Variants in MPPED2 observed in about 807,000 individuals in gnomAD.
MPPED2 encodes the protein metallophosphoesterase domain containing 2.
In MPPED2, 5 loss-of-function variants were observed where a neutral mutation model predicts 33.0. That is an observed-to-expected ratio of 0.15 (90% CI 0.08 to 0.32). MPPED2 has a LOEUF of 0.32. MPPED2 is among the 10% of genes least tolerant of loss of function. MPPED2 has a pLI of 1.00. For synonymous variants in MPPED2, 136 were observed against 141.9 expected, an observed-to-expected ratio of 0.96 and a Z score of 0.29; for missense variants, 275 against 372.1, an observed-to-expected ratio of 0.74 and a Z score of 2.15.
chr11:30,411,301 TTAAAA>T lies in MPPED2; in HGVS notation c.*162_*166del, dbSNP rs1380385149. 4.0e-6 allele frequency: 5 copies of T among 1,256,762 alleles called. No homozygotes were observed. Among genetic ancestry groups the T allele is most frequent in the Non-Finnish European group, 5.0e-6 (5 of 993,722 alleles). 77.9% of individuals were successfully genotyped at this position (1,256,762 alleles called of 1,614,324 possible). On this transcript the variant is annotated 3_prime_UTR_variant, in exon 7 of 7. Coordinates refer to ENST00000358117, the MANE Select transcript of MPPED2 (RefSeq NM_001584.3). ...CTCTGATTTCAAATGGATGCCCCAT[TTAAAA>T]TAAAATAAAATAAGAAGCACAACCT...
chr11:30,403,099 T>A (rs1281462364), intron 6 of MPPED2, among the ~76,000 whole-genome samples: 2 of 151,978 alleles, frequency 1.3e-5, no homozygotes. Context: ...CAAAAAAAAT[T>A]AGCCGGGCAT....
chr11:30,417,400 T>C, intron 5 of MPPED2, 118 bp downstream of exon 5: 1 of 581,110 alleles, frequency 1.7e-6, no homozygotes, highest in South Asian at 2.2e-5. Context: ...TGACTTTTCT[T>C]CTCGTATTCA....
At chr11:30,398,141 C>T (rs544001) in intron 6 of MPPED2, among the ~76,000 whole-genome samples, 42,552 of 151,994 alleles carry the variant, frequency 0.28, 6,916 homozygotes, top group Non-Finnish European at 0.37. Context: ...ACAGCTTTTT[C>T]TTCTTCCATA....
intron 2 of MPPED2, among the ~76,000 whole-genome samples, chr11:30,568,259 T>C (rs1281146165): frequency 6.6e-6 from 1 of 152,166 alleles, no homozygotes; most frequent in Admixed American, 6.5e-5. Flanking sequence ...TTTTTTCTTT[T>C]TGGAACTTCT....
intron 2 of MPPED2, among the ~76,000 whole-genome samples, chr11:30,558,845 G>T (rs1013977677): frequency 1.3e-5 from 2 of 151,086 alleles, no homozygotes; most frequent in Non-Finnish European, 2.9e-5. Context: ...AAAATGCTTT[G>T]AGTCACAACC....
intron 4 of MPPED2, chr11:30,495,025 G>A (rs1638525129): frequency 4.8e-6 from 2 of 419,178 alleles, no homozygotes; most frequent in Admixed American, 4.0e-5. Flanking sequence ...GGGAGGTCCT[G>A]GACCAATACC....
At chr11:30,427,287 A>T (rs899817590) in intron 4 of MPPED2, among the ~76,000 whole-genome samples, 1 of 152,218 alleles carries the variant, frequency 6.6e-6, no homozygotes, top group African/African-American at 2.4e-5. Flanking sequence ...ATACAGGAGA[A>T]TTCACAATTT....
At chr11:30,528,871 A>G (rs1424192133) in intron 3 of MPPED2, among the ~76,000 whole-genome samples, 1 of 152,180 alleles carries the variant, frequency 6.6e-6, no homozygotes, top group Non-Finnish European at 1.5e-5. Flanking sequence ...AGAAATTGCA[A>G]TCTTTATGAA....
At chr11:30,584,011 G>A (rs1957319684) in intron 1 of MPPED2, 1 of 152,288 alleles carries the variant, frequency 6.6e-6, no homozygotes, top group South Asian at 2.1e-4. Flanking sequence ...GTATCTGGGA[G>A]CGATGCCCAC....
At chr11:30,460,088 A>ACCCT (rs1243466147) in intron 4 of MPPED2, among the ~76,000 whole-genome samples, 7 of 152,108 alleles carry the variant, frequency 4.6e-5, no homozygotes, top group Non-Finnish European at 1.0e-4. Context: ...GATCAGGTAC[A>ACCCT]CCCTAAAAGG....
At chr11:30,540,892 C>A (rs1170799619) in intron 2 of MPPED2, among the ~76,000 whole-genome samples, 1 of 152,190 alleles carries the variant, frequency 6.6e-6, no homozygotes, top group Non-Finnish European at 1.5e-5. Flanking sequence ...CAGTTTCTTC[C>A]ATTTTTCCTT....
intron 3 of MPPED2, among the ~76,000 whole-genome samples, chr11:30,527,355 G>A (rs1473916883): frequency 6.7e-6 from 1 of 149,692 alleles, no homozygotes; most frequent in Non-Finnish European, 1.5e-5. Context: ...AAAGTATTAT[G>A]TGAAAGAGTT....
intron 4 of MPPED2, among the ~76,000 whole-genome samples, chr11:30,426,635 G>T (rs1203014936): frequency 6.6e-6 from 1 of 152,212 alleles, no homozygotes; most frequent in Non-Finnish European, 1.5e-5. Flanking sequence ...AAATGAAATT[G>T]AATACAGTTT....
At chr11:30,397,007 T>G (rs1947847096) in intron 6 of MPPED2, among the ~76,000 whole-genome samples, 2 of 152,160 alleles carry the variant, frequency 1.3e-5, no homozygotes, top group African/African-American at 4.8e-5. Flanking sequence ...AGGTATATTG[T>G]TATTGTCACA....
At chr11:30,544,041 T>C (rs1030480075) in intron 2 of MPPED2, among the ~76,000 whole-genome samples, 3 of 152,172 alleles carry the variant, frequency 2.0e-5, no homozygotes, top group African/African-American at 7.2e-5. Flanking sequence ...CTCTATTTTT[T>C]CCTCTTACAA....
At chr11:30,385,425 T>C (rs1947691297) in exon 7 of MPPED2, 1 of 152,164 alleles carries the variant, frequency 6.6e-6, no homozygotes, top group Non-Finnish European at 1.5e-5. Context: ...CAAATTTTCA[T>C]GATGGGTGGG....
intron 2 of MPPED2, among the ~76,000 whole-genome samples, chr11:30,578,557 T>C (rs1957029723): frequency 6.6e-6 from 1 of 152,206 alleles, no homozygotes; most frequent in Non-Finnish European, 1.5e-5. Context: ...AGTGGAATCT[T>C]GAGGCCAAGA....
chr11:30,571,556 T>G (rs943843227), intron 2 of MPPED2, among the ~76,000 whole-genome samples: 1 of 152,148 alleles, frequency 6.6e-6, no homozygotes, highest in African/African-American at 2.4e-5. Flanking sequence ...CATACTGATA[T>G]TGAAATAATA....
At chr11:30,427,191 T>C (rs1248358185) in intron 4 of MPPED2, among the ~76,000 whole-genome samples, 1 of 151,962 alleles carries the variant, frequency 6.6e-6, no homozygotes, top group African/African-American at 2.4e-5. Flanking sequence ...GGTTCGGGAG[T>C]AGCTGGATTT....
Sources: gnomAD v4.1 joint callset for allele counts (sites outside exome capture counted in the v4.1 genomes callset) on GRCh38, gnomAD v4.1.1 for gene constraint, MANE v1.5 for transcripts, NCBI Gene and HGNC (gene_info 2026-07-23, HGNC 2026-07-21) for gene names.